The following IFT74 variants were observed in gnomAD, a reference collection of about 807,000 sequenced individuals.
IFT74 encodes intraflagellar transport protein 74 homolog.
A neutral mutation model predicts 96.7 loss-of-function variants in IFT74; 92 were observed. The ratio of observed to expected loss-of-function variants is 0.95; its 90% confidence interval spans 0.80 to 1.13. IFT74 has a LOEUF of 1.13. Ranked by LOEUF, IFT74 falls within the 50% of genes most tolerant of loss-of-function variation. The pLI is 0.00. For missense variants in IFT74, 811 were observed against 698.2 expected (o/e 1.16, Z -1.82); for synonymous variants, 223 against 213.2 (o/e 1.05, Z -0.40).
At chr9:27,001,880 A>C (rs1435631928) in intron 8 of IFT74, among the ~76,000 whole-genome samples, 1 of 151,586 alleles carries the variant, frequency 6.6e-6, no homozygotes, top group Non-Finnish European at 1.5e-5. Context: ...TCTTAGAGAC[A>C]CAAAAAAATC....
chr9:27,002,342 C>G (rs1169427194), intron 8 of IFT74, among the ~76,000 whole-genome samples: 2 of 152,206 alleles, frequency 1.3e-5, no homozygotes, highest in Non-Finnish European at 2.9e-5. Context: ...AGCAACATGG[C>G]TGTTTATTTC....
chr9:26,963,360 G>A, intron 2 of IFT74, among the ~76,000 whole-genome samples: 1 of 151,650 alleles, frequency 6.6e-6, no homozygotes. Flanking sequence ...GTCTATCATT[G>A]TTGGACATTT....
intron 13 of IFT74, among the ~76,000 whole-genome samples, chr9:27,040,544 C>CAAAAAAAAAAAAAAAAAAAAAAA (rs751893169): frequency 1.4e-4 from 9 of 62,094 alleles, no homozygotes; most frequent in African/African-American, 4.5e-4. Flanking sequence ...GACACTGTCT[C>CAAAAAAAAAAAAAAAAAAAAAAA]AAAAAAAAAA....
intron 9 of IFT74, among the ~76,000 whole-genome samples, chr9:27,010,711 G>GC (rs918733966): frequency 6.8e-6 from 1 of 147,856 alleles, no homozygotes; most frequent in Non-Finnish European, 1.5e-5. Flanking sequence ...CAGGTGATCC[G>GC]CCCCCCTCGG....
intron 16 of IFT74, among the ~76,000 whole-genome samples, chr9:27,054,797 T>G (rs554479583): frequency 6.6e-6 from 1 of 152,332 alleles, no homozygotes; most frequent in East Asian, 1.9e-4. Context: ...AGGTTTCCTT[T>G]TTGCAGTATA....
chr9:27,045,484 C>G (rs953522791), intron 14 of IFT74, among the ~76,000 whole-genome samples: 2 of 152,118 alleles, frequency 1.3e-5, no homozygotes, highest in African/African-American at 2.4e-5. Flanking sequence ...ATACTTATCT[C>G]ATTGTTTATT....
chr9:26,949,168 C>G (rs996686065), intron 1 of IFT74, among the ~76,000 whole-genome samples: 1 of 152,166 alleles, frequency 6.6e-6, no homozygotes, highest in Non-Finnish European at 1.5e-5. Context: ...ATCTAATTTA[C>G]TGCCTCCTAT....
chr9:27,028,327 A>T (rs996222662), intron 12 of IFT74, among the ~76,000 whole-genome samples: 3 of 152,234 alleles, frequency 2.0e-5, no homozygotes, highest in Non-Finnish European at 2.9e-5. Context: ...ATAGAAACCT[A>T]CAAAAAGTAT....
chr9:27,063,453 T>C lies in IFT74; in HGVS notation c.*717T>C, dbSNP rs1021944605. 2.5e-4 allele frequency among the ~76,000 whole-genome samples: 38 copies of C among 152,230 alleles called. No individual in the cohort carries two copies. Among genetic ancestry groups the C allele is most frequent in the Non-Finnish European group, 4.7e-4 (32 of 67,976 alleles). ...TACTCTCTTGTACTATTAGGAGAACTTAAGTAGATTAATTTATAAACATTA... is the reference window on the plus strand; with the variant it reads ...TACTCTCTTGTACTATTAGGAGAACCTAAGTAGATTAATTTATAAACATTA... On this transcript the variant is annotated 3_prime_UTR_variant, in exon 20 of 20. Transcript: ENST00000380062.
chr9:26,971,415 C>T (rs1324454601), intron 2 of IFT74, among the ~76,000 whole-genome samples: 1 of 152,100 alleles, frequency 6.6e-6, no homozygotes, highest in African/African-American at 2.4e-5. Flanking sequence ...CCAGTGGGCT[C>T]CTTGATGTAC....
At chr9:27,013,505 A>T (rs1406516526) in intron 10 of IFT74, among the ~76,000 whole-genome samples, 2 of 152,216 alleles carry the variant, frequency 1.3e-5, no homozygotes, top group East Asian at 3.8e-4. Context: ...AGGTTGTTCC[A>T]ACTTTTACTT....
At chr9:26,990,861 G>GAAT (rs1207035590) in intron 8 of IFT74, among the ~76,000 whole-genome samples, 3 of 152,118 alleles carry the variant, frequency 2.0e-5, no homozygotes, top group Non-Finnish European at 4.4e-5. Context: ...AATGATTCAA[G>GAAT]AATAAAACTT....
chr9:27,036,715 T>C, intron 13 of IFT74: 1 of 1,291,042 alleles, frequency 7.7e-7, no homozygotes, highest in Non-Finnish European at 9.8e-7. Flanking sequence ...ATCAATTATA[T>C]GGTGAAAGAA....
At chr9:27,023,452 G>A (rs986498884) in intron 12 of IFT74, among the ~76,000 whole-genome samples, 4 of 152,098 alleles carry the variant, frequency 2.6e-5, no homozygotes, top group East Asian at 1.9e-4. Flanking sequence ...TTTATGTGGT[G>A]TATCACGTTT....
Position 26,964,592 on chromosome 9 carries a change from G to A in IFT74, c.120+2505G>A, listed in dbSNP as rs560585306. Among the ~76,000 whole-genome samples, 675 of 152,020 alleles carry A rather than the reference G, an allele frequency of 4.4e-3. 1 individual carries two copies. The highest frequency in any genetic ancestry group is 7.7e-3 in the Non-Finnish European group (522 of 67,950). On this transcript the variant is annotated intron_variant, in intron 2 of 19. Coordinates refer to ENST00000380062, the MANE Select transcript of IFT74 (RefSeq NM_025103.4). Reference sequence around the variant, plus strand: ...TTCATGATATTGATTCTTCCTACCCGTGAGCATGGAATGTTCTTCCATTTG... The same window carrying A: ...TTCATGATATTGATTCTTCCTACCCATGAGCATGGAATGTTCTTCCATTTG...
intron 2 of IFT74, among the ~76,000 whole-genome samples, chr9:26,973,075 G>A (rs901960565): frequency 7.9e-5 from 12 of 152,164 alleles, no homozygotes; most frequent in African/African-American, 2.7e-4. Flanking sequence ...TTTTTGCCCA[G>A]AATGGGGATC....
chr9:27,001,944 T>C (rs1267407830), intron 8 of IFT74, among the ~76,000 whole-genome samples: 6 of 140,588 alleles, frequency 4.3e-5, no homozygotes, highest in South Asian at 4.3e-4. Flanking sequence ...TTTTTTCTCT[T>C]TTTTTTTTTT....
Position 27,062,779 on chromosome 9 carries a change from G to A in IFT74, c.*43G>A. 1 of 1,020,076 alleles carries A rather than the reference G, an allele frequency of 9.8e-7. No homozygotes were observed. Among genetic ancestry groups the A allele is most frequent in the Non-Finnish European group, 1.5e-6 (1 of 682,956 alleles). 63.2% of individuals were successfully genotyped at this position (1,020,076 alleles called of 1,614,324 possible). A position where few individuals can be genotyped will look rare whatever the true frequency, so the allele number is the denominator to read the frequency against. ...GTCTCTAAGGAAGTATCCTCTTGCT[G>A]CTAAACTTGGTACAAGTTGACTACC... On this transcript the variant is annotated 3_prime_UTR_variant, in exon 20 of 20. Transcript: ENST00000380062.
At chr9:26,973,554 G>C (rs1463032620) in intron 2 of IFT74, among the ~76,000 whole-genome samples, 1 of 152,148 alleles carries the variant, frequency 6.6e-6, no homozygotes, top group Non-Finnish European at 1.5e-5. Flanking sequence ...GATTTAATGA[G>C]GTGAGGAATC....
Sources: gnomAD v4.1 joint callset for allele counts (sites outside exome capture counted in the v4.1 genomes callset) on GRCh38, gnomAD v4.1.1 for gene constraint, MANE v1.5 for transcripts, NCBI Gene and HGNC (gene_info 2026-07-23, HGNC 2026-07-21) for gene names.